The following JPH1 variants were observed in gnomAD, a reference collection of about 807,000 sequenced individuals.
JPH1 encodes the protein junctophilin 1, also known as junctophilin-1.
A neutral mutation model predicts 53.6 loss-of-function variants in JPH1; 12 were observed. That is an observed-to-expected ratio of 0.22 (90% CI 0.14 to 0.36). The LOEUF (loss-of-function observed/expected upper bound fraction) is 0.36, where lower values mean the gene tolerates loss of function less well. JPH1 is among the 10% of genes least tolerant of loss of function. JPH1 has a pLI of 1.00. For synonymous variants in JPH1, 375 were observed against 363.8 expected, an observed-to-expected ratio of 1.03 and a Z score of -0.35; for missense variants, 808 against 905.5, an observed-to-expected ratio of 0.89 and a Z score of 1.38.
At position 74,270,092 on chromosome 8, in the gene JPH1, A is replaced by ATTTT. The variant is rs3032978; in HGVS notation, c.1140-10593_1140-10590dup. 8.0e-5 allele frequency among the ~76,000 whole-genome samples: 12 copies of ATTTT among 150,910 alleles called. No individual in the cohort carries two copies. In the South Asian group the frequency reaches 1.0e-3, roughly 13 times the overall value. ...ATTTTGAGCTTTCTTCTCCCAATGT[A>ATTTT]TTTTTTTTTAACGAGTTTCGGCTGA... On this transcript the variant is annotated intron_variant, in intron 2 of 5. Coordinates refer to ENST00000342232, the MANE Select transcript of JPH1 (RefSeq NM_020647.4).
At position 74,237,054 on chromosome 8, in the gene JPH1, T is replaced by TA. The variant is rs1807020823; in HGVS notation, c.*16-20dup. ...GACTTCACTGAAGGGTCAAAACAGT[T>TA]ATAGCAATTAAGTAACTATGTTGAA... On this transcript the variant is annotated intron_variant, in intron 5 of 5. Coordinates refer to ENST00000342232, the MANE Select transcript of JPH1 (RefSeq NM_020647.4). 1 of 609,494 alleles carries TA rather than the reference T, an allele frequency of 1.6e-6. No homozygotes were observed. The highest frequency in any genetic ancestry group is 2.9e-6 in the Non-Finnish European group (1 of 340,236). The allele number at this position is 609,494 out of a possible 1,614,324, so 37.8% of individuals were successfully genotyped here. A position where few individuals can be genotyped will look rare whatever the true frequency, so the allele number is the denominator to read the frequency against.
At chr8:74,279,110 T>C (rs1453668907) in intron 2 of JPH1, among the ~76,000 whole-genome samples, 1 of 152,186 alleles carries the variant, frequency 6.6e-6, no homozygotes, top group Non-Finnish European at 1.5e-5. Flanking sequence ...AAACACCATG[T>C]CCCTATTTCT....
intron 2 of JPH1, among the ~76,000 whole-genome samples, chr8:74,293,562 A>T (rs747931341): frequency 9.9e-5 from 15 of 152,176 alleles, no homozygotes; most frequent in Admixed American, 2.0e-4. Context: ...CCACTACCCC[A>T]TCATGCAGAA....
chr8:74,244,472 C>G, intron 4 of JPH1, 57 bp downstream of exon 4: 1 of 1,531,448 alleles, frequency 6.5e-7, no homozygotes, highest in Non-Finnish European at 8.8e-7. Context: ...CCCCACACAG[C>G]TCGCTGAAAG....
intron 2 of JPH1, among the ~76,000 whole-genome samples, chr8:74,261,522 T>C (rs908193809): frequency 6.6e-5 from 10 of 152,142 alleles, no homozygotes; most frequent in African/African-American, 2.4e-4. Flanking sequence ...AAATATGAAA[T>C]GGAAATAACA....
At chr8:74,285,125 T>C (rs938764760) in intron 2 of JPH1, among the ~76,000 whole-genome samples, 1 of 152,080 alleles carries the variant, frequency 6.6e-6, no homozygotes, top group Non-Finnish European at 1.5e-5. Context: ...GCCTAGCCTA[T>C]GGTTACTATT....
At chr8:74,295,633 T>G (rs878978512) in intron 2 of JPH1, among the ~76,000 whole-genome samples, 9 of 152,134 alleles carry the variant, frequency 5.9e-5, no homozygotes, top group Non-Finnish European at 1.0e-4. Flanking sequence ...TAGACAACAC[T>G]TGAATAAAAT....
At chr8:74,273,880 G>C (rs1028622937) in intron 2 of JPH1, among the ~76,000 whole-genome samples, 3 of 152,076 alleles carry the variant, frequency 2.0e-5, no homozygotes, top group Admixed American at 6.5e-5. Context: ...AGTTATGAAG[G>C]AGGTGTCTTA....
intron 2 of JPH1, among the ~76,000 whole-genome samples, chr8:74,267,005 T>A (rs752173590): frequency 1.3e-4 from 20 of 152,158 alleles, no homozygotes; most frequent in Non-Finnish European, 2.9e-4. Flanking sequence ...TATTAGCGGA[T>A]GAATAAATAG....
In JPH1 at chr8:74,321,114, G is replaced by A. The variant is rs1300276672; in HGVS notation, c.174C>T (p.Asn58=). 5.0e-6 allele frequency: 8 copies of A among 1,613,612 alleles called. No homozygotes were observed. The highest frequency in any genetic ancestry group is 1.1e-5 in the South Asian group (1 of 91,028). ...CCTGCGCCCAGTAGCCCTGGTAGGTGTTGCCGCTGGGCCAGGTGTAGCCTC... is the reference window on the plus strand; with the variant it reads ...CCTGCGCCCAGTAGCCCTGGTAGGTATTGCCGCTGGGCCAGGTGTAGCCTC... ...VVGGYTWPSG[N]TYQGYWAQGK... is the part of the protein sequence containing the mutation. Residue 58 remains asparagine (N), a synonymous_variant, in exon 1 of 6, where the codon AAC becomes AAT. Coordinates refer to ENST00000342232, the MANE Select transcript of JPH1 (RefSeq NM_020647.4). The surrounding 1 kb of genome is among the most constrained non-coding windows in gnomAD (Gnocchi z 4.3).
In JPH1 at chr8:74,244,735, C is replaced by T. The variant is rs777169915; in HGVS notation, c.1699G>A (p.Val567Met). The T allele has an allele frequency of 2.2e-5, 35 of 1,614,012 alleles. No homozygotes were observed. The highest frequency in any genetic ancestry group is 2.9e-5 in the Non-Finnish European group (34 of 1,180,010). The change falls in exon 4 of 6, where the codon GTG (valine) becomes ATG (methionine). Residue 567 changes from valine (V) to methionine (M), a missense_variant. Around this residue, in one of 2 missense-constraint regions of JPH1, gnomAD observed 756 missense variants for 811.9 expected, o/e 0.93. Transcript: ENST00000342232. ...TGGCTGGATCCATCGCCGTCCTCCA[C>T]GTCTACTGGAGGGTGCTGGGGGGCG... ...LNAPQHPPVD[V>M]EDGDGSSQSS...
rs528038765 is a variant in JPH1, at chr8:74,277,758, A to G, written c.1140-18255T>C. ...CATAAATCCTAACAACAGAAAATAC[A>G]GGCAATGCTGGGCAAAGAATGAGCA... On this transcript the variant is annotated intron_variant, in intron 2 of 5. Coordinates refer to ENST00000342232, the MANE Select transcript of JPH1 (RefSeq NM_020647.4). 2.6e-5 allele frequency among the ~76,000 whole-genome samples: 4 copies of G among 152,362 alleles called. No homozygotes were observed. In the South Asian group the frequency reaches 6.2e-4, roughly 24 times the overall value.
At chr8:74,273,928 A>C (rs992421595) in intron 2 of JPH1, among the ~76,000 whole-genome samples, 1 of 152,214 alleles carries the variant, frequency 6.6e-6, no homozygotes, top group East Asian at 1.9e-4. Flanking sequence ...ACCTCTCTCA[A>C]AAGCCCATTT....
Position 74,252,962 on chromosome 8 carries a change from T to G in JPH1, c.1258+6423A>C, listed in dbSNP as rs951792561. Among the ~76,000 whole-genome samples the G allele has an allele frequency of 7.2e-5, 11 of 152,140 alleles. 1 individual carries two copies. The highest frequency in any genetic ancestry group is 2.4e-4 in the African/African-American group (10 of 41,426). ...ATAATGGGAGACTTTAACACCCCAC[T>G]GTCAACATTAGACAGATCAACGAGA... is the stretch of plus-strand genomic sequence containing the variant. On this transcript the variant is annotated intron_variant, in intron 3 of 5. Transcript: ENST00000342232.
intron 2 of JPH1, among the ~76,000 whole-genome samples, chr8:74,307,612 A>G (rs1287441914): frequency 6.6e-6 from 1 of 152,222 alleles, no homozygotes; most frequent in East Asian, 1.9e-4. Context: ...TTAACAATCT[A>G]TTCATTAAAA....
At chr8:74,279,653 C>T (rs974986427) in intron 2 of JPH1, among the ~76,000 whole-genome samples, 9 of 152,264 alleles carry the variant, frequency 5.9e-5, no homozygotes, top group South Asian at 2.1e-4. Context: ...TGAGAAATAC[C>T]GCAATTCCAA....
rs147527240 is a variant in JPH1, at chr8:74,314,889, T to C, written c.1111A>G (p.Arg371Gly). 4 of 1,614,110 alleles carry C rather than the reference T, an allele frequency of 2.5e-6. No individual in the cohort carries two copies. In the African/African-American group the frequency reaches 4.0e-5, roughly 16 times the overall value. Reference protein sequence around the residue: ...EGAQRAAAMARTKVEIANSRT... With the variant: ...EGAQRAAAMAGTKVEIANSRT... Reference sequence around the variant, plus strand: ...GAATTTGCTATTTCCACTTTGGTTCTGGCCATGGCAGCTGCCCTTTGGGCG... The same window carrying C: ...GAATTTGCTATTTCCACTTTGGTTCCGGCCATGGCAGCTGCCCTTTGGGCG... The change falls in exon 2 of 6, where the codon AGA becomes GGA. Residue 371 changes from arginine to glycine, a missense_variant. Coordinates refer to ENST00000342232, the MANE Select transcript of JPH1 (RefSeq NM_020647.4).
chr8:74,300,418 AG>A (rs1435147675), intron 2 of JPH1, among the ~76,000 whole-genome samples: 15 of 152,100 alleles, frequency 9.9e-5, no homozygotes, highest in African/African-American at 3.6e-4. Context: ...TGGGGGGCGG[AG>A]GGGGTCAGGC....
intron 3 of JPH1, among the ~76,000 whole-genome samples, chr8:74,247,258 C>T (rs1805885761): frequency 6.6e-6 from 1 of 152,120 alleles, no homozygotes; most frequent in African/African-American, 2.4e-5. Flanking sequence ...CTTCTCTACC[C>T]AAAATTTCAC....
Sources: gnomAD v4.1 joint callset for allele counts (sites outside exome capture counted in the v4.1 genomes callset) on GRCh38, gnomAD v4.1.1 for gene constraint, gnomAD v4.1.1 regional missense constraint, Gnocchi (gnomAD v3.1) non-coding constraint, MANE v1.5 for transcripts, NCBI Gene and HGNC (gene_info 2026-07-23, HGNC 2026-07-21) for gene names.